RIMS1: variants seen among roughly 807,000 people sequenced by gnomAD.
The protein encoded by RIMS1 is regulating synaptic membrane exocytosis 1, also known as regulating synaptic membrane exocytosis protein 1.
RIMS1 carries 83 observed loss-of-function variants against 214.1 expected under a neutral mutation model. The ratio of observed to expected loss-of-function variants is 0.39; its 90% CI spans 0.32 to 0.47. The LOEUF is 0.47. Among genes scored for constraint, RIMS1 ranks in the 20% least tolerant of loss-of-function variants. The pLI is 0.99. For missense variants in RIMS1, 2,050 were observed against 2,161.8 expected (o/e 0.95, Z 1.03); for synonymous variants, 793 against 786.8 (o/e 1.01, Z -0.13).
intron 2 of RIMS1, among the ~76,000 whole-genome samples, chr6:72,057,551 AGGCT>A (rs1826619340): frequency 7.4e-6 from 1 of 134,900 alleles, no homozygotes; most frequent in African/African-American, 2.8e-5. Context: ...TCTGTTGCCC[AGGCT>A]GGAGTGCAGT....
At chr6:72,259,304 A>G (rs997911075) in intron 18 of RIMS1, among the ~76,000 whole-genome samples, 193 bp downstream of exon 18, 1 of 152,202 alleles carries the variant, frequency 6.6e-6, no homozygotes, top group East Asian at 1.9e-4. Context: ...TTATATTGTT[A>G]TAATTATCCA....
chr6:71,989,407 T>C (rs1361429590), intron 2 of RIMS1, among the ~76,000 whole-genome samples: 7 of 152,168 alleles, frequency 4.6e-5, no homozygotes, highest in Admixed American at 4.6e-4. Context: ...GTGCAGCTTA[T>C]TTACAAAGCA....
chr6:72,095,375 G>T (rs2031214112), intron 2 of RIMS1, among the ~76,000 whole-genome samples: 1 of 152,072 alleles, frequency 6.6e-6, no homozygotes, highest in South Asian at 2.1e-4. Context: ...CTTGACCCTA[G>T]ATTAATTATA....
At chr6:72,224,343 G>T (rs907957050) in intron 6 of RIMS1, among the ~76,000 whole-genome samples, 2 of 152,110 alleles carry the variant, frequency 1.3e-5, no homozygotes, top group South Asian at 2.1e-4. Flanking sequence ...AATTTGTAGG[G>T]CAGTATCTTC....
intron 1 of RIMS1, among the ~76,000 whole-genome samples, chr6:71,949,370 G>GA (rs145164629): frequency 0.013 from 1,930 of 152,242 alleles, 55 homozygotes; most frequent in African/African-American, 0.044. Context: ...AAAAGAGTGA[G>GA]AGAGAACAAC....
intron 26 of RIMS1, among the ~76,000 whole-genome samples, chr6:72,294,166 A>C (rs529082525): frequency 1.3e-5 from 2 of 151,882 alleles, no homozygotes; most frequent in African/African-American, 4.8e-5. Flanking sequence ...TTCAAAATGA[A>C]CAGTCCACAT....
chr6:72,039,158 A>G (rs1585421315), intron 2 of RIMS1, among the ~76,000 whole-genome samples: 1 of 151,654 alleles, frequency 6.6e-6, no homozygotes, highest in Non-Finnish European at 1.5e-5. Context: ...GGGCTTTCCA[A>G]AAGAAGTACC....
chr6:71,966,609 G>T (rs1480785637), intron 1 of RIMS1, among the ~76,000 whole-genome samples: 4 of 152,144 alleles, frequency 2.6e-5, no homozygotes, highest in African/African-American at 9.7e-5. Flanking sequence ...TGCAACCTCT[G>T]CCTCCCAGTT....
chr6:72,246,059 T>A (rs952051387), intron 11 of RIMS1, among the ~76,000 whole-genome samples, 198 bp downstream of exon 11: 3 of 152,138 alleles, frequency 2.0e-5, no homozygotes, highest in African/African-American at 7.2e-5. Context: ...TTCCTCTACT[T>A]TTTTATGTGA....
At chr6:71,926,880 G>T (rs1161101334) in intron 1 of RIMS1, among the ~76,000 whole-genome samples, 2 of 152,036 alleles carry the variant, frequency 1.3e-5, no homozygotes, top group South Asian at 4.2e-4. Flanking sequence ...ATTGTGCGGG[G>T]TGTAGAATAG....
chr6:72,221,795 A>G (rs1201138517), intron 6 of RIMS1, among the ~76,000 whole-genome samples: 7 of 151,980 alleles, frequency 4.6e-5, no homozygotes, highest in Admixed American at 4.6e-4. Context: ...GATTATTATA[A>G]TTACTATAAT....
At chr6:71,950,286 G>T (rs911194676) in intron 1 of RIMS1, among the ~76,000 whole-genome samples, 2 of 152,078 alleles carry the variant, frequency 1.3e-5, no homozygotes, top group Non-Finnish European at 2.9e-5. Flanking sequence ...TTACTATGGT[G>T]ATGGCTACAG....
chr6:72,050,101 C>T (rs568026064), intron 2 of RIMS1, among the ~76,000 whole-genome samples: 30 of 152,244 alleles, frequency 2.0e-4, no homozygotes, highest in African/African-American at 7.0e-4. Context: ...TTCACACATA[C>T]ACACACACCC....
At chr6:72,188,264 C>T (rs1188016534) in intron 6 of RIMS1, among the ~76,000 whole-genome samples, 4 of 152,180 alleles carry the variant, frequency 2.6e-5, no homozygotes, top group South Asian at 2.1e-4. Context: ...ATCACAAGTC[C>T]ACCCTTGTCA....
intron 24 of RIMS1, among the ~76,000 whole-genome samples, chr6:72,284,766 T>C (rs1443676958): frequency 6.6e-6 from 1 of 152,088 alleles, no homozygotes; most frequent in African/African-American, 2.4e-5. Context: ...TATCCAACAA[T>C]GACTGAGAGC....
At chr6:71,899,673 T>G (rs1772984743) in intron 1 of RIMS1, among the ~76,000 whole-genome samples, 1 of 152,158 alleles carries the variant, frequency 6.6e-6, no homozygotes, top group South Asian at 2.1e-4. Flanking sequence ...CATTACCTTT[T>G]GCACCCACAG....
intron 30 of RIMS1, 29 bp from the exon 31 acceptor site, chr6:72,392,669 T>C (rs752809323): frequency 2.0e-6 from 3 of 1,482,336 alleles, no homozygotes; most frequent in Non-Finnish European, 2.8e-6. Flanking sequence ...ATGGGTTTTT[T>C]CCTTTGGTTT....
chr6:72,238,768 CAA>C (rs1202736061), intron 9 of RIMS1, among the ~76,000 whole-genome samples: 3 of 152,078 alleles, frequency 2.0e-5, no homozygotes, highest in Non-Finnish European at 4.4e-5. Flanking sequence ...ACCCATAACA[CAA>C]AGAGTACATT....
At chr6:71,976,996 C>A (rs1474629979) in intron 2 of RIMS1, among the ~76,000 whole-genome samples, 3 of 152,092 alleles carry the variant, frequency 2.0e-5, no homozygotes, top group Admixed American at 2.0e-4. Flanking sequence ...TTAAGCTCTG[C>A]ATACTAGACA....
Sources: gnomAD v4.1 joint callset for allele counts (sites outside exome capture counted in the v4.1 genomes callset) on GRCh38, gnomAD v4.1.1 for gene constraint, MANE v1.5 for transcripts, NCBI Gene and HGNC (gene_info 2026-07-23, HGNC 2026-07-21) for gene names.